Variants in GRM8 observed in about 807,000 individuals in gnomAD.
The protein encoded by GRM8 is glutamate metabotropic receptor 8.
A neutral mutation model predicts 87.2 loss-of-function variants in GRM8; 47 were observed. That is an observed-to-expected ratio of 0.54 (90% CI 0.43 to 0.69). GRM8 has a LOEUF of 0.69. GRM8 is among the 30% of genes least tolerant of loss of function. GRM8 has a pLI of 0.00. For synonymous variants in GRM8, 396 were observed against 404.5 expected (o/e 0.98, Z 0.25); for missense variants, 1,019 against 1,139.2 (o/e 0.89, Z 1.52).
At chr7:127,199,031 G>T (rs1197401527) in intron 2 of GRM8, among the ~76,000 whole-genome samples, 1 of 151,998 alleles carries the variant, frequency 6.6e-6, no homozygotes, top group East Asian at 1.9e-4. Flanking sequence ...AGTAGAGATG[G>T]GGTTTCTCCA....
At chr7:126,911,206 T>A (rs1281552695) in intron 3 of GRM8, among the ~76,000 whole-genome samples, 1 of 152,212 alleles carries the variant, frequency 6.6e-6, no homozygotes, top group Non-Finnish European at 1.5e-5. Context: ...TGAAAAGTGA[T>A]ACTTGCTCAC....
At chr7:126,785,497 C>CT (rs1470188746) in intron 6 of GRM8, among the ~76,000 whole-genome samples, 3 of 152,100 alleles carry the variant, frequency 2.0e-5, no homozygotes, top group African/African-American at 7.2e-5. Context: ...AGAATAAAGA[C>CT]TTTATTTTTC....
At chr7:126,522,734 T>C (rs908982096) in intron 9 of GRM8, among the ~76,000 whole-genome samples, 22 of 152,156 alleles carry the variant, frequency 1.4e-4, no homozygotes, top group African/African-American at 5.3e-4. Flanking sequence ...ATCTGTTCCT[T>C]TCCCTCTTTT....
chr7:126,804,797 T>C (rs563363490), intron 6 of GRM8, among the ~76,000 whole-genome samples: 73 of 152,320 alleles, frequency 4.8e-4, no homozygotes, highest in Admixed American at 1.6e-3. Context: ...ATTAACTACA[T>C]CTAGCTTCTG....
chr7:126,873,638 T>C (rs188590126), intron 6 of GRM8, among the ~76,000 whole-genome samples: 1 of 152,162 alleles, frequency 6.6e-6, no homozygotes, highest in Admixed American at 6.5e-5. Context: ...GCAGAAAATA[T>C]CATTAGTTCA....
chr7:126,955,502 C>T (rs140190842), intron 3 of GRM8, among the ~76,000 whole-genome samples: 7 of 152,152 alleles, frequency 4.6e-5, no homozygotes, highest in African/African-American at 9.7e-5. Flanking sequence ...TCACCAGTTA[C>T]GCCAGCAGTT....
At chr7:127,110,002 G>A (rs945006826) in intron 2 of GRM8, among the ~76,000 whole-genome samples, 42 of 152,102 alleles carry the variant, frequency 2.8e-4, no homozygotes, top group Middle Eastern at 3.2e-3. Flanking sequence ...ATGGGAGGGC[G>A]AGGGGCGACA....
chr7:126,882,441 CTTCTTATTACAA>C (rs1288993455), intron 6 of GRM8, among the ~76,000 whole-genome samples: 2 of 152,044 alleles, frequency 1.3e-5, no homozygotes, highest in East Asian at 3.9e-4. Context: ...TTTTGAGCTA[CTTCTTATTACAA>C]TATATTAACA....
At chr7:127,004,179 C>T (rs1029779403) in intron 3 of GRM8, among the ~76,000 whole-genome samples, 1 of 151,538 alleles carries the variant, frequency 6.6e-6, no homozygotes, top group Non-Finnish European at 1.5e-5. Flanking sequence ...AAATTCACCA[C>T]AAATACTTTA....
chr7:126,749,642 TA>T (rs2151536879), intron 7 of GRM8, among the ~76,000 whole-genome samples: 1 of 124,158 alleles, frequency 8.1e-6, no homozygotes, highest in Non-Finnish European at 1.9e-5. Flanking sequence ...GGGGAAGCTG[TA>T]AATAATTCAG....
intron 6 of GRM8, among the ~76,000 whole-genome samples, chr7:126,831,708 T>C (rs762945355): frequency 6.6e-6 from 1 of 152,156 alleles, no homozygotes; most frequent in Non-Finnish European, 1.5e-5. Flanking sequence ...CTGCACCCAC[T>C]GTCTGGCACT....
chr7:126,585,428 C>T (rs980340068), intron 8 of GRM8, among the ~76,000 whole-genome samples: 3 of 152,194 alleles, frequency 2.0e-5, no homozygotes, highest in Non-Finnish European at 2.9e-5. Context: ...GAAATCCACC[C>T]GTTACACATT....
Position 126,529,493 on chromosome 7 carries a change from A to G in GRM8, c.2430+3459T>C, listed in dbSNP as rs117017460. ...AAGGTGACAACCAGCTTTCTGACTTAAGCTGCTATGCATCCTGAGGCCACT... is the reference window on the plus strand; with the variant it reads ...AAGGTGACAACCAGCTTTCTGACTTGAGCTGCTATGCATCCTGAGGCCACT... On this transcript the variant is annotated intron_variant, in intron 9 of 10. Coordinates refer to ENST00000339582, the MANE Select transcript of GRM8 (RefSeq NM_000845.3). Among the ~76,000 whole-genome samples, 33 of 152,358 alleles carry G rather than the reference A, an allele frequency of 2.2e-4. No individual in the cohort carries two copies. The East Asian group carries it at 6.2e-3, about 28-fold the overall frequency.
At chr7:126,547,334 G>A (rs1247271044) in intron 8 of GRM8, among the ~76,000 whole-genome samples, 1 of 151,858 alleles carries the variant, frequency 6.6e-6, no homozygotes, top group African/African-American at 2.4e-5. Context: ...GCATGGAGAG[G>A]GAGGCATCTA....
At chr7:126,963,142 C>A (rs116264115) in intron 3 of GRM8, among the ~76,000 whole-genome samples, 1 of 152,128 alleles carries the variant, frequency 6.6e-6, no homozygotes, top group Non-Finnish European at 1.5e-5. Flanking sequence ...CTTGCCTTAT[C>A]GTGAGACCAT....
intron 2 of GRM8, among the ~76,000 whole-genome samples, chr7:127,178,752 G>A (rs776152092): frequency 7.2e-5 from 11 of 152,106 alleles, no homozygotes; most frequent in Admixed American, 2.0e-4. Context: ...CATCATATAC[G>A]AAGGAAAGAT....
At chr7:127,016,009 GT>G (rs1306199088) in intron 3 of GRM8, among the ~76,000 whole-genome samples, 1 of 151,988 alleles carries the variant, frequency 6.6e-6, no homozygotes. Flanking sequence ...CTTATTCACT[GT>G]TTTTGCCATA....
intron 2 of GRM8, among the ~76,000 whole-genome samples, chr7:127,225,087 C>T (rs376928755): frequency 1.1e-4 from 16 of 152,206 alleles, no homozygotes; most frequent in Admixed American, 5.9e-4. Context: ...CACAGAACAG[C>T]AGGAAAAGGT....
Position 127,186,337 on chromosome 7 carries a change from C to G in GRM8, c.510+56358G>C, listed in dbSNP as rs1794735020. Reference sequence around the variant, plus strand: ...TATTATCCATTGCCTCTTCAGATAACACTTTCTACCTTGTGTCCAATCTGC... The same window carrying G: ...TATTATCCATTGCCTCTTCAGATAAGACTTTCTACCTTGTGTCCAATCTGC... On this transcript the variant is annotated intron_variant, in intron 2 of 10. Transcript: ENST00000339582. Among the ~76,000 whole-genome samples the G allele has an allele frequency of 2.6e-5, 4 of 152,168 alleles. No individual in the cohort carries two copies. In the South Asian group the frequency reaches 8.3e-4, roughly 31 times the overall value.
Sources: gnomAD v4.1 joint callset for allele counts (sites outside exome capture counted in the v4.1 genomes callset) on GRCh38, gnomAD v4.1.1 for gene constraint, MANE v1.5 for transcripts, NCBI Gene and HGNC (gene_info 2026-07-23, HGNC 2026-07-21) for gene names.